Variants in IQCH observed in about 807,000 individuals in gnomAD.
IQCH encodes the protein IQ domain-containing protein H.
In IQCH, 98 loss-of-function variants were observed where a neutral mutation model predicts 117.0. The observed-to-expected ratio is 0.84, with a 90% CI of 0.71 to 0.99. The LOEUF (loss-of-function observed/expected upper bound fraction) is 0.99. Ranked by LOEUF, IQCH falls within the 50% of genes least tolerant of loss-of-function variation. The pLI is 0.00. For synonymous variants in IQCH, 412 were observed against 448.2 expected (o/e 0.92, Z 1.02); for missense variants, 1,102 against 1,243.8 (o/e 0.89, Z 1.72).
intron 14 of IQCH, among the ~76,000 whole-genome samples, chr15:67,414,663 AATAT>A (rs1172021312): frequency 6.8e-6 from 1 of 146,320 alleles, no homozygotes. Flanking sequence ...CCAAAAAAAA[AATAT>A]ATATATATAT....
At position 67,393,333 on chromosome 15, in the gene IQCH, A is replaced by G. The variant is rs1056146507; in HGVS notation, c.1633-1958A>G. On this transcript the variant is annotated intron_variant, in intron 12 of 20. Transcript: ENST00000335894. The surrounding 1 kb of genome is among the most constrained non-coding windows in gnomAD (Gnocchi z 5.5). ...GAGTTATACTCTCCGACAATTTGCA[A>G]ACTGGTGCATCTGATATTCCTTGAA... Among the ~76,000 whole-genome samples, 1 of 152,122 alleles carries G rather than the reference A, an allele frequency of 6.6e-6. No individual in the cohort carries two copies. The highest frequency in any genetic ancestry group is 2.4e-5 in the African/African-American group (1 of 41,428).
At chr15:67,414,363 C>T (rs2081522012) in intron 14 of IQCH, among the ~76,000 whole-genome samples, 1 of 152,020 alleles carries the variant, frequency 6.6e-6, no homozygotes, top group African/African-American at 2.4e-5. Flanking sequence ...CTTTCTCTCC[C>T]AATTGAAGAG....
chr15:67,293,703 G>A (rs1215612527), intron 4 of IQCH, among the ~76,000 whole-genome samples: 1 of 152,220 alleles, frequency 6.6e-6, no homozygotes, highest in Non-Finnish European at 1.5e-5. Context: ...GCTGGGAAAG[G>A]AACATAGGGA....
rs569473064 is a variant in IQCH, at chr15:67,387,432, T to C, written c.1457-1399T>C. Among the ~76,000 whole-genome samples, 15 of 152,254 alleles carry C rather than the reference T, an allele frequency of 9.9e-5. No homozygotes were observed. The South Asian group carries it at 3.1e-3, about 32-fold the overall frequency. On this transcript the variant is annotated intron_variant, in intron 11 of 20. Coordinates refer to ENST00000335894, the MANE Select transcript of IQCH (RefSeq NM_001031715.3). This position sits in a 1 kb window ranked among gnomAD's most constrained non-coding sequence, Gnocchi z 4.8. ...TGTTTATTGAGTGACTCCTACATAC[T>C]CCACACTGTGCCAGGGCTTAGGGGA...
Position 67,429,026 on chromosome 15 carries a change from A to C in IQCH, c.2505+7449A>C, listed in dbSNP as rs377031987. Among the ~76,000 whole-genome samples the C allele has an allele frequency of 6.0e-4, 91 of 152,286 alleles. 1 individual carries two copies. The East Asian group carries it at 0.017, about 28-fold the overall frequency. ...GGCAAGGAAACAGATTCTCCTCTAG[A>C]GTCTCCAGGAGGAACAAAGCCCTGC... On this transcript the variant is annotated intron_variant, in intron 16 of 20. Coordinates refer to ENST00000335894, the MANE Select transcript of IQCH (RefSeq NM_001031715.3).
chr15:67,284,521 G>T (rs745703422), intron 4 of IQCH, among the ~76,000 whole-genome samples: 12 of 152,100 alleles, frequency 7.9e-5, no homozygotes, highest in Non-Finnish European at 1.2e-4. Context: ...AGGTAAACTT[G>T]TGTCATGGGG....
intron 8 of IQCH, among the ~76,000 whole-genome samples, chr15:67,360,422 C>A (rs1015350923): frequency 7.2e-5 from 11 of 152,266 alleles, no homozygotes; most frequent in Non-Finnish European, 1.2e-4. Context: ...AAGTACATGC[C>A]AGCAAGGAAC....
At position 67,433,293 on chromosome 15, in the gene IQCH, G is replaced by T. The variant is rs999878543; in HGVS notation, c.2505+11716G>T. Among the ~76,000 whole-genome samples the T allele has an allele frequency of 2.0e-5, 3 of 152,212 alleles. No homozygotes were observed. The highest frequency in any genetic ancestry group is 7.2e-5 in the African/African-American group (3 of 41,462). The stretch of plus-strand genomic sequence containing the variant: ...CTTCTACAATAAGCACATGGGCAAT[G>T]ATGACAAATTTTTCCAGTGAAAATT... On this transcript the variant is annotated intron_variant, in intron 16 of 20. Transcript: ENST00000335894. This position sits in a 1 kb window ranked among gnomAD's most constrained non-coding sequence, Gnocchi z 5.4.
At chr15:67,368,037 A>G (rs1356678146) in intron 8 of IQCH, among the ~76,000 whole-genome samples, 1 of 152,212 alleles carries the variant, frequency 6.6e-6, no homozygotes, top group African/African-American at 2.4e-5. Flanking sequence ...GGTTCTTGAC[A>G]CATACTGTAA....
rs1465552018 is a variant in IQCH, at chr15:67,472,281, A to G, written c.2677-3415A>G. On this transcript the variant is annotated intron_variant, in intron 17 of 20. Coordinates refer to ENST00000335894, the MANE Select transcript of IQCH (RefSeq NM_001031715.3). This position sits in a 1 kb window ranked among gnomAD's most constrained non-coding sequence, Gnocchi z 4.3. ...AAAGGCAGTGAACCAGTCAGACTGG[A>G]GCACAGAACTGGGGAAGTGGGAAGC... Among the ~76,000 whole-genome samples the G allele has an allele frequency of 2.0e-5, 3 of 152,222 alleles. No homozygotes were observed. The highest frequency in any genetic ancestry group is 4.4e-5 in the Non-Finnish European group (3 of 68,046).
chr15:67,348,959 C>T (rs149737200), intron 6 of IQCH, among the ~76,000 whole-genome samples: 2 of 152,310 alleles, frequency 1.3e-5, no homozygotes, highest in African/African-American at 4.8e-5. Context: ...ACCACACATA[C>T]TTGGTCAATT....
intron 16 of IQCH, among the ~76,000 whole-genome samples, chr15:67,446,936 G>A (rs911707511): frequency 6.6e-6 from 1 of 152,156 alleles, no homozygotes; most frequent in East Asian, 1.9e-4. Flanking sequence ...GGCAATTGGG[G>A]GAGCTTCTTG....
intron 4 of IQCH, among the ~76,000 whole-genome samples, chr15:67,307,703 A>G (rs939489730): frequency 6.6e-6 from 1 of 152,200 alleles, no homozygotes; most frequent in African/African-American, 2.4e-5. Flanking sequence ...AACAAGAAGC[A>G]GAGTGAATTA....
At chr15:67,442,817 G>GAGAGAGATAGAT (rs1376525556) in intron 16 of IQCH, among the ~76,000 whole-genome samples, 1 of 138,174 alleles carries the variant, frequency 7.2e-6, no homozygotes, top group Non-Finnish European at 1.5e-5. Flanking sequence ...AAGAAACTGT[G>GAGAGAGATAGAT]AGATAGATAG....
At chr15:67,352,545 G>A (rs1485191676) in intron 6 of IQCH, among the ~76,000 whole-genome samples, 3 of 149,424 alleles carry the variant, frequency 2.0e-5, no homozygotes, top group Admixed American at 6.8e-5. Flanking sequence ...ATGTGTTTAT[G>A]TCCTGACTTT....
At chr15:67,332,569 G>A (rs927896186) in intron 4 of IQCH, among the ~76,000 whole-genome samples, 2 of 152,138 alleles carry the variant, frequency 1.3e-5, no homozygotes, top group Non-Finnish European at 2.9e-5. Flanking sequence ...TGAACTATAT[G>A]TGAGCACTGG....
chr15:67,372,549 G>A lies in IQCH; in HGVS notation c.1192G>A (p.Ala398Thr), dbSNP rs750674803. 52 of 1,613,906 alleles carry A rather than the reference G, an allele frequency of 3.2e-5. No individual in the cohort carries two copies. Among genetic ancestry groups the A allele is most frequent in the Non-Finnish European group, 4.4e-5 (52 of 1,179,980 alleles). The change falls in exon 9 of 21, where the codon GCA (alanine) becomes ACA (threonine). Residue 398 changes from alanine to threonine, a missense_variant. This residue lies in a region of IQCH where 650 missense variants were observed against 794.3 expected (regional missense o/e 0.82). Transcript: ENST00000335894. ...FFLFYRQQKW[A>T]SGVIAIAWLL... ...CCTCTTTTATCGCCAGCAGAAGTGGGCATCAGGTGTGATTGCCATTGCTTG... is the reference window on the plus strand; with the variant it reads ...CCTCTTTTATCGCCAGCAGAAGTGGACATCAGGTGTGATTGCCATTGCTTG...
rs368671251 is a variant in IQCH, at chr15:67,416,963, G to A, written c.2130G>A (p.Leu710=). 1.3e-5 allele frequency: 21 copies of A among 1,605,980 alleles called. No homozygotes were observed. Among genetic ancestry groups the A allele is most frequent in the Admixed American group, 3.4e-5 (2 of 58,928 alleles). Residue 710 remains leucine, a synonymous_variant, in exon 15 of 21, where the codon CTG becomes CTA. Transcript: ENST00000335894. This position sits in a 1 kb window ranked among gnomAD's most constrained non-coding sequence, Gnocchi z 5.1. ...EPALVKISEE[L]AGILAQHAQP... is the part of the protein sequence containing the mutation. ...CTTTGGTGAAGATCTCTGAGGAGCTGGCGGGCATTTTAGCACAGCACGCAC... is the reference window on the plus strand; with the variant it reads ...CTTTGGTGAAGATCTCTGAGGAGCTAGCGGGCATTTTAGCACAGCACGCAC...
chr15:67,326,558 G>A (rs1567098634), intron 4 of IQCH, among the ~76,000 whole-genome samples: 1 of 152,074 alleles, frequency 6.6e-6, no homozygotes. Flanking sequence ...TTCCACAATG[G>A]TTGAACTAGT....
Sources: gnomAD v4.1 joint callset for allele counts (sites outside exome capture counted in the v4.1 genomes callset) on GRCh38, gnomAD v4.1.1 for gene constraint, gnomAD v4.1.1 regional missense constraint, Gnocchi (gnomAD v3.1) non-coding constraint, MANE v1.5 for transcripts, NCBI Gene and HGNC (gene_info 2026-07-23, HGNC 2026-07-21) for gene names.